Variants in AOPEP observed in about 807,000 individuals in gnomAD.
AOPEP encodes the protein aminopeptidase O (putative).
AOPEP carries 77 observed loss-of-function variants against 98.1 expected under a neutral mutation model. The observed-to-expected ratio is 0.78, with a 90% confidence interval of 0.65 to 0.95. The LOEUF (loss-of-function observed/expected upper bound fraction) is 0.95. Among genes scored for constraint, AOPEP ranks in the 40% least tolerant of loss-of-function variants. The probability of loss-of-function intolerance (pLI) is 0.00; values close to 1 mark genes in which losing one functional copy is unlikely to be tolerated. For synonymous variants in AOPEP, 346 were observed against 365.3 expected, an observed-to-expected ratio of 0.95 and a Z score of 0.60; for missense variants, 1,024 against 1,024.7, an observed-to-expected ratio of 1.00 and a Z score of 0.01.
intron 5 of AOPEP, chr9:94,920,351 A>T (rs1329877160): frequency 1.3e-5 from 2 of 152,658 alleles, no homozygotes; most frequent in Non-Finnish European, 2.9e-5. Context: ...CTTGCTCTCC[A>T]TGAGGGGAAT....
chr9:95,098,580 C>G, the AOPEP span, among the ~76,000 whole-genome samples: 4 of 152,230 alleles, frequency 2.6e-5, no homozygotes, highest in East Asian at 5.8e-4. Flanking sequence ...CAGTGGGGGT[C>G]CTGGGGGTGG....
At chr9:95,123,209 G>A in the AOPEP span, 1 of 203,028 alleles carries the variant, frequency 4.9e-6, no homozygotes, top group Admixed American at 5.5e-5. Context: ...AGGCTGAGGT[G>A]GGGGGATCGC....
At chr9:94,784,180 A>G (rs1241101924) in intron 3 of AOPEP, among the ~76,000 whole-genome samples, 2 of 152,208 alleles carry the variant, frequency 1.3e-5, no homozygotes, top group African/African-American at 2.4e-5. Context: ...CTGCACAAGC[A>G]GAGTGGTTAT....
At chr9:94,751,642 C>T (rs1414062584) in intron 1 of AOPEP, among the ~76,000 whole-genome samples, 1 of 152,008 alleles carries the variant, frequency 6.6e-6, no homozygotes, top group African/African-American at 2.4e-5. Context: ...GTTAACCTCT[C>T]AATCTTTAAT....
the AOPEP span, chr9:95,114,720 G>C: frequency 3.1e-6 from 5 of 1,613,082 alleles, no homozygotes; most frequent in Non-Finnish European, 4.2e-6. Flanking sequence ...TCTGCGGGTG[G>C]AGAGAGATAC....
chr9:94,946,979 CTTT>C, intron 7 of AOPEP, among the ~76,000 whole-genome samples: 1 of 141,766 alleles, frequency 7.1e-6, no homozygotes. Flanking sequence ...TTTTGTTATT[CTTT>C]TTTTTTTTTT....
At chr9:95,079,564 G>A (rs2069485916) in intron 14 of AOPEP, among the ~76,000 whole-genome samples, 1 of 152,226 alleles carries the variant, frequency 6.6e-6, no homozygotes, top group Non-Finnish European at 1.5e-5. Context: ...TGAAAAACAA[G>A]TGGTAGGTGA....
chr9:95,111,750 G>T, the AOPEP span: 3 of 1,202,662 alleles, frequency 2.5e-6, no homozygotes, highest in Non-Finnish European at 3.7e-6. Context: ...CTTATCCACT[G>T]AAGTGCAACC....
At chr9:95,107,000 C>T in the AOPEP span, 1 of 1,514,674 alleles carries the variant, frequency 6.6e-7, no homozygotes, top group African/African-American at 1.4e-5. Flanking sequence ...GACCCTCGGA[C>T]AGGTAACCCA....
rs1307335744 is a variant in AOPEP, at chr9:94,759,830, C to G, written c.47C>G (p.Ala16Gly). 1 of 1,613,996 alleles carries G rather than the reference C, an allele frequency of 6.2e-7. No individual in the cohort carries two copies. Among genetic ancestry groups the G allele is most frequent in the Non-Finnish European group, 8.5e-7 (1 of 1,180,026 alleles). ...GCCAGAGATGACCTGCCTCTCATGG[C>G]CAACACCAGCCACATACTTGTGAAG... is the stretch of plus-strand genomic sequence containing the variant. Reference protein sequence around the residue: ...DPARDDLPLMANTSHILVKHY... With the variant: ...DPARDDLPLMGNTSHILVKHY... The change falls in exon 2 of 17, where the codon GCC becomes GGC. Residue 16 changes from alanine to glycine, a missense_variant. Physicochemically the swap from Ala to Gly is moderately conservative, Grantham distance 60. This residue lies in a region of AOPEP where 440 missense variants were observed against 433.8 expected (regional missense o/e 1.01). Transcript: ENST00000375315.
intron 11 of AOPEP, among the ~76,000 whole-genome samples, chr9:94,994,754 A>G (rs1176778854): frequency 6.6e-6 from 1 of 152,182 alleles, no homozygotes; most frequent in East Asian, 1.9e-4. Context: ...GAGTTCGAGA[A>G]CAGCCTGACC....
chr9:95,013,699 G>GT (rs2132985593), intron 13 of AOPEP, among the ~76,000 whole-genome samples: 1 of 152,162 alleles, frequency 6.6e-6, no homozygotes, highest in South Asian at 2.1e-4. Context: ...TATAGTCCTG[G>GT]TTTTTTGCAT....
chr9:95,102,360 C>T, the AOPEP span, among the ~76,000 whole-genome samples: 69 of 152,316 alleles, frequency 4.5e-4, no homozygotes, highest in Admixed American at 1.4e-3. Flanking sequence ...GGTTTTAACA[C>T]CTGATTCTTG....
chr9:94,780,040 T>G (rs189830328), intron 3 of AOPEP, among the ~76,000 whole-genome samples: 5 of 152,334 alleles, frequency 3.3e-5, no homozygotes, highest in Admixed American at 6.5e-5. Flanking sequence ...CTGGATGATT[T>G]TAGGGGTCAG....
intron 13 of AOPEP, among the ~76,000 whole-genome samples, chr9:95,027,764 A>G (rs1016959624): frequency 3.3e-5 from 5 of 152,282 alleles, no homozygotes; most frequent in East Asian, 3.9e-4. Flanking sequence ...TTATCACATC[A>G]TTAGAACATG....
At chr9:95,025,817 A>G (rs1164610758) in intron 13 of AOPEP, among the ~76,000 whole-genome samples, 1 of 152,152 alleles carries the variant, frequency 6.6e-6, no homozygotes, top group East Asian at 1.9e-4. Flanking sequence ...AGCCCATTCT[A>G]AAAGTCGTGT....
chr9:95,117,286 T>C, the AOPEP span: 3 of 1,603,288 alleles, frequency 1.9e-6, no homozygotes, highest in Non-Finnish European at 2.6e-6. Flanking sequence ...GAAATCATTC[T>C]GATGTGGGCA....
At chr9:94,979,564 C>G (rs1336129480) in intron 11 of AOPEP, 137 bp downstream of exon 11, 1 of 611,962 alleles carries the variant, frequency 1.6e-6, no homozygotes, top group Non-Finnish European at 3.0e-6. Context: ...ATCTGTAAGT[C>G]AGAACACTAG....
intron 15 of AOPEP, 149 bp downstream of exon 15, chr9:95,080,929 G>T: frequency 1.6e-6 from 1 of 644,444 alleles, no homozygotes. Context: ...GCCTAACACT[G>T]ATTTTTCTGA....
Sources: allele counts gnomAD v4.1 joint callset (sites outside exome capture counted in the v4.1 genomes callset), GRCh38; gene constraint gnomAD v4.1.1; regional missense constraint gnomAD v4.1.1; transcripts MANE v1.5; gene names NCBI Gene and HGNC (gene_info 2026-07-23, HGNC 2026-07-21).